ELL: variants seen among roughly 807,000 people sequenced by gnomAD.
ELL encodes elongation factor for RNA polymerase II.
Under a neutral mutation model 64.0 loss-of-function variants are expected in ELL, and 18 were observed. The ratio of observed to expected loss-of-function variants is 0.28; its 90% CI spans 0.19 to 0.42. ELL has a LOEUF of 0.42. Ranked by LOEUF, ELL falls within the 10% of genes least tolerant of loss-of-function variation. ELL has a pLI of 1.00. For missense variants in ELL, 797 were observed against 870.4 expected (o/e 0.92, Z 1.06); for synonymous variants, 399 against 376.2 (o/e 1.06, Z -0.70).
chr19:18,521,955 G>A lies in ELL; in HGVS notation c.101C>T (p.Ala34Val). 6.2e-7 allele frequency: 1 copy of A among 1,609,592 alleles called. No homozygotes were observed. Among genetic ancestry groups the A allele is most frequent in the Non-Finnish European group, 8.5e-7 (1 of 1,178,034 alleles). The change falls in exon 1 of 12, where the codon GCC becomes GTC. Residue 34 changes from alanine to valine, a missense_variant. Ala to Val is a moderately conservative substitution (Grantham distance 64). Transcript: ENST00000262809. ...GCGGTAGCTCTCGAAGGCCCTCAGG[G>A]CACTGTCGGTGAGCTTCACGTGGAA... The part of the protein sequence containing the change: ...SVFHVKLTDS[A>V]LRAFESYRAR...
intron 8 of ELL, among the ~76,000 whole-genome samples, chr19:18,447,810 G>GTCTTGCTCTGCCACCCAGGC (rs1974449210): frequency 6.6e-6 from 1 of 150,620 alleles, no homozygotes; most frequent in Non-Finnish European, 1.5e-5. Flanking sequence ...TAGAGACAGG[G>GTCTTGCTCTGCCACCCAGGC]TCTTGCTCTG....
chr19:18,502,139 C>T (rs950699206), intron 1 of ELL, among the ~76,000 whole-genome samples: 1 of 152,168 alleles, frequency 6.6e-6, no homozygotes, highest in Non-Finnish European at 1.5e-5. Flanking sequence ...TGCCCCACAG[C>T]TCCACGGGGC....
chr19:18,459,356 C>T (rs1240593404), intron 5 of ELL, among the ~76,000 whole-genome samples: 1 of 152,208 alleles, frequency 6.6e-6, no homozygotes, highest in Admixed American at 6.5e-5. Context: ...GGATTCAGAA[C>T]GTCTGCCTTA....
rs1213113222 is a variant in ELL, at chr19:18,449,367, G to T, written c.1465+1110C>A. Among the ~76,000 whole-genome samples the T allele has an allele frequency of 6.6e-6, 1 of 152,108 alleles. No homozygotes were observed. Among genetic ancestry groups the T allele is most frequent in the Non-Finnish European group, 1.5e-5 (1 of 67,982 alleles). ...CCTGAGCATGGCCCTGGTCAGAGAG[G>T]CTGCCCAGGGAGTAAGGCCACCTTC... On this transcript the variant is annotated intron_variant, in intron 8 of 11. Coordinates refer to ENST00000262809, the MANE Select transcript of ELL (RefSeq NM_006532.4). The surrounding 1 kb of genome is among the most constrained non-coding windows in gnomAD (Gnocchi z 4.4).
chr19:18,505,962 A>AC (rs941685454), intron 1 of ELL, among the ~76,000 whole-genome samples: 1 of 152,154 alleles, frequency 6.6e-6, no homozygotes, highest in Non-Finnish European at 1.5e-5. Context: ...TACTACACAG[A>AC]CCACCCAGCA....
At chr19:18,487,013 T>C (rs535455384) in intron 1 of ELL, among the ~76,000 whole-genome samples, 1 of 152,328 alleles carries the variant, frequency 6.6e-6, no homozygotes, top group East Asian at 1.9e-4. Flanking sequence ...CTACATGCCA[T>C]GCTGACACCT....
intron 1 of ELL, among the ~76,000 whole-genome samples, chr19:18,477,546 AAC>A (rs1975202787): frequency 6.6e-6 from 1 of 152,200 alleles, no homozygotes; most frequent in Non-Finnish European, 1.5e-5. Flanking sequence ...GCACAGCCAC[AAC>A]AGTCGCCCCA....
chr19:18,510,650 G>A (rs1427599499), intron 1 of ELL, among the ~76,000 whole-genome samples: 1 of 152,108 alleles, frequency 6.6e-6, no homozygotes, highest in Non-Finnish European at 1.5e-5. Context: ...CATACATGAG[G>A]GCATTTAAAT....
Position 18,444,086 on chromosome 19 carries a change from C to T in ELL, c.*666G>A, listed in dbSNP as rs2144880811. On this transcript the variant is annotated 3_prime_UTR_variant, in exon 12 of 12. Transcript: ENST00000262809. The stretch of plus-strand genomic sequence containing the variant: ...TGCCCCCTTGGCTCTGAGCAGCTGT[C>T]TGGGGGCACCAGCTGGAGTTCTCAA... 4.3e-6 allele frequency: 1 copy of T among 231,486 alleles called. No individual in the cohort carries two copies. The highest frequency in any genetic ancestry group is 6.1e-5 in the East Asian group (1 of 16,354). The allele number at this position is 231,486 out of a possible 1,614,324, so 14.3% of individuals were successfully genotyped here.
At chr19:18,507,363 A>G (rs1600500339) in intron 1 of ELL, among the ~76,000 whole-genome samples, 1 of 152,182 alleles carries the variant, frequency 6.6e-6, no homozygotes, top group African/African-American at 2.4e-5. Flanking sequence ...CTGGCCACAG[A>G]CCCACAGCCC....
chr19:18,495,796 C>T (rs1975638463), intron 1 of ELL, among the ~76,000 whole-genome samples: 1 of 152,186 alleles, frequency 6.6e-6, no homozygotes. Context: ...CCTCAGCTTC[C>T]CAATACTGAC....
rs763869529 is a variant in ELL, at chr19:18,450,927, G to A, written c.1015C>T (p.Pro339Ser). ...DFIDPLANKK[P>S]RISHFTQRAQ... ...CTCTGAGTGAAGTGCGATATCCGGG[G>A]TTTCTTGTTGGCTAGGGGGTCGATG... The change falls in exon 8 of 12, where the codon CCC (proline) becomes TCC (serine). Residue 339 changes from proline (P) to serine (S), a missense_variant. Coordinates refer to ENST00000262809, the MANE Select transcript of ELL (RefSeq NM_006532.4). The A allele has an allele frequency of 1.3e-6, 2 of 1,538,430 alleles. No homozygotes were observed. The highest frequency in any genetic ancestry group is 2.5e-5 in the South Asian group (2 of 80,854).
In ELL at chr19:18,521,937, C is replaced by T. The variant is rs1976290772; in HGVS notation, c.119G>A (p.Ser40Asn). 6.2e-7 allele frequency: 1 copy of T among 1,603,228 alleles called. No individual in the cohort carries two copies. The highest frequency in any genetic ancestry group is 8.5e-7 in the Non-Finnish European group (1 of 1,174,986). Residue 40 changes from serine (S) to asparagine (N), a missense_variant, in exon 1 of 12, where the codon AGC becomes AAC. Physicochemically the swap from Ser to Asn is conservative, Grantham distance 46. Coordinates refer to ENST00000262809, the MANE Select transcript of ELL (RefSeq NM_006532.4). ...GCCACTCACCTGTCTGGCGCGGTAG[C>T]TCTCGAAGGCCCTCAGGGCACTGTC... The part of the protein sequence containing the change: ...LTDSALRAFE[S>N]YRARQDSVSL...
intron 1 of ELL, among the ~76,000 whole-genome samples, chr19:18,507,610 G>A (rs948779061): frequency 6.6e-6 from 1 of 152,214 alleles, no homozygotes; most frequent in Non-Finnish European, 1.5e-5. Context: ...GCTGTTGCTG[G>A]TTTATGGTGC....
rs923876709 is a variant in ELL, at chr19:18,444,948, C to G, written c.1750-80G>C. The stretch of plus-strand genomic sequence containing the variant: ...GCTGTAAGCAGGCCAGTGTCCCCCC[C>G]AAACCAAAAACCTGGGCTTGGTGCC... On this transcript the variant is annotated intron_variant, in intron 11 of 11. Coordinates refer to ENST00000262809, the MANE Select transcript of ELL (RefSeq NM_006532.4). 1.7e-5 allele frequency: 25 copies of G among 1,472,430 alleles called. No individual in the cohort carries two copies. The African/African-American group carries it at 2.0e-4, about 12-fold the overall frequency. The allele number at this position is 1,472,430 out of a possible 1,614,324, so 91.2% of individuals were successfully genotyped here.
In ELL at chr19:18,443,268, T is replaced by G. The variant is rs917527181; in HGVS notation, c.*1484A>C. 2.1e-5 allele frequency: 5 copies of G among 232,902 alleles called. No homozygotes were observed. Among genetic ancestry groups the G allele is most frequent in the African/African-American group, 1.1e-4 (5 of 45,268 alleles). 14.4% of individuals were successfully genotyped at this position (232,902 alleles called of 1,614,324 possible). A position where few individuals can be genotyped will look rare whatever the true frequency, so the allele number is the denominator to read the frequency against. The stretch of plus-strand genomic sequence containing the variant: ...TGAAGGATCAGTTTCCTCGGAGCTC[T>G]GGGAACCCGGGGGTCCCAAAGGAGA... On this transcript the variant is annotated 3_prime_UTR_variant, in exon 12 of 12. Transcript: ENST00000262809.
rs565863133 is a variant in ELL, at chr19:18,449,286, C to T, written c.1465+1191G>A. Among the ~76,000 whole-genome samples the T allele has an allele frequency of 9.2e-5, 14 of 152,180 alleles. No homozygotes were observed. Among genetic ancestry groups the T allele is most frequent in the African/African-American group, 2.4e-4 (10 of 41,514 alleles). ...CAAATGGCAGATCCTGCCATTTGAT[C>T]GTGGCCCAGGTCTGGCTGTGGGGTG... On this transcript the variant is annotated intron_variant, in intron 8 of 11. Coordinates refer to ENST00000262809, the MANE Select transcript of ELL (RefSeq NM_006532.4). This position sits in a 1 kb window ranked among gnomAD's most constrained non-coding sequence, Gnocchi z 4.4.
chr19:18,450,213 C>T (rs1330690116), intron 8 of ELL, among the ~76,000 whole-genome samples: 1 of 152,264 alleles, frequency 6.6e-6, no homozygotes, highest in East Asian at 1.9e-4. Context: ...CCCCACAAGG[C>T]TCTGGGCCTC....
Position 18,450,733 on chromosome 19 carries a change from G to A in ELL, c.1209C>T (p.Asp403=), listed in dbSNP as rs1263753609. The change falls in exon 8 of 12, where the codon GAC becomes GAT. Residue 403 remains aspartate, a synonymous_variant. Coordinates refer to ENST00000262809, the MANE Select transcript of ELL (RefSeq NM_006532.4). ...CACAGTCTCGGCCGCTGTGGCCCAG[G>A]TCATTGCTGACATCGGCCAGGGGGT... is the stretch of plus-strand genomic sequence containing the variant. ...AHDPLADVSN[D]LGHSGRDCEH... is the part of the protein sequence containing the mutation. 6.3e-7 allele frequency: 1 copy of A among 1,584,974 alleles called. No homozygotes were observed. The highest frequency in any genetic ancestry group is 8.6e-7 in the Non-Finnish European group (1 of 1,165,914).
Sources: gnomAD v4.1 joint callset for allele counts (sites outside exome capture counted in the v4.1 genomes callset) on GRCh38, gnomAD v4.1.1 for gene constraint, Gnocchi (gnomAD v3.1) non-coding constraint, MANE v1.5 for transcripts, NCBI Gene and HGNC (gene_info 2026-07-23, HGNC 2026-07-21) for gene names.